CDCA7: variants seen among roughly 807,000 people sequenced by gnomAD.
CDCA7 encodes the protein cell division cycle-associated protein 7.
Under a neutral mutation model 54.0 loss-of-function variants are expected in CDCA7, and 28 were observed. The observed-to-expected ratio is 0.52, with a 90% CI of 0.38 to 0.71. The LOEUF (loss-of-function observed/expected upper bound fraction) is 0.71, where lower values mean the gene tolerates loss of function less well. Ranked by LOEUF, CDCA7 falls within the 30% of genes least tolerant of loss-of-function variation. The pLI, the probability that CDCA7 is intolerant of heterozygous loss-of-function variation, is 0.00. For missense variants in CDCA7, 484 were observed against 586.0 expected, an observed-to-expected ratio of 0.83 and a Z score of 1.80; for synonymous variants, 180 against 208.2, an observed-to-expected ratio of 0.86 and a Z score of 1.16.
At chr2:173,367,046 C>A in intron 8 of CDCA7, 104 bp from the exon 9 acceptor site, 1 of 1,448,180 alleles carries the variant, frequency 6.9e-7, no homozygotes, top group East Asian at 2.3e-5. Context: ...GCCTATTAAT[C>A]ATATAAATTT....
intron 1 of CDCA7, among the ~76,000 whole-genome samples, chr2:173,356,608 A>G (rs1686511696): frequency 6.6e-6 from 1 of 152,172 alleles, no homozygotes; most frequent in African/African-American, 2.4e-5. Flanking sequence ...GGGCTCAAGC[A>G]GTCTTCCCAC....
At chr2:173,363,130 A>G (rs1306434039) in intron 3 of CDCA7, 96 bp from the exon 4 acceptor site, 3 of 1,180,952 alleles carry the variant, frequency 2.5e-6, no homozygotes, top group East Asian at 4.7e-5. Context: ...GTTAAAATTC[A>G]TTTCATACAA....
At chr2:173,363,487 A>G in intron 4 of CDCA7, 25 bp downstream of exon 4, 1 of 1,597,418 alleles carries the variant, frequency 6.3e-7, no homozygotes. Context: ...TTGTGTTAGA[A>G]TTAATTTTTC....
At chr2:173,356,688 A>G (rs933994964) in intron 1 of CDCA7, among the ~76,000 whole-genome samples, 2 of 152,156 alleles carry the variant, frequency 1.3e-5, no homozygotes, top group Admixed American at 6.5e-5. Context: ...TGTTTTTAGT[A>G]GAGACGGGGT....
chr2:173,366,746 C>G lies in CDCA7; in HGVS notation c.1185+314C>G, dbSNP rs1686729257. Among the ~76,000 whole-genome samples, 1 of 152,104 alleles carries G rather than the reference C, an allele frequency of 6.6e-6. No individual in the cohort carries two copies. Among genetic ancestry groups the G allele is most frequent in the Admixed American group, 6.5e-5 (1 of 15,278 alleles). ...TAGAGACGGGGTTTCACCACATTGG[C>G]CAGGATGGTGTGGTGGTACAAGATC... On this transcript the variant is annotated intron_variant, in intron 8 of 9. Coordinates refer to ENST00000306721, the MANE Select transcript of CDCA7 (RefSeq NM_031942.5). This position sits in a 1 kb window ranked among gnomAD's most constrained non-coding sequence, Gnocchi z 4.5.
Position 173,366,393 on chromosome 2 carries a change from C to T in CDCA7, c.1146C>T (p.Asn382=), listed in dbSNP as rs1246106322. ...AGTTCTGTGGCCCCTGCCTTCGAAA[C>T]CGTTATGGTGAAGAGGTCAGGGATG... The part of the protein sequence containing the change: ...RGQFCGPCLR[N]RYGEEVRDAL... Residue 382 remains asparagine, a synonymous_variant, in exon 8 of 10, where the codon AAC becomes AAT. Transcript: ENST00000306721. The surrounding 1 kb of genome is among the most constrained non-coding windows in gnomAD (Gnocchi z 4.5). 1 of 1,614,112 alleles carries T rather than the reference C, an allele frequency of 6.2e-7. No homozygotes were observed. Among genetic ancestry groups the T allele is most frequent in the African/African-American group, 1.3e-5 (1 of 75,020 alleles).
intron 8 of CDCA7, 83 bp from the exon 9 acceptor site, chr2:173,367,067 A>C (rs921001588): frequency 2.2e-5 from 33 of 1,496,474 alleles, no homozygotes; most frequent in Middle Eastern, 3.7e-4. Context: ...TTAACCATAA[A>C]GAAGGGGTTA....
chr2:173,359,231 C>T (rs952424682), intron 2 of CDCA7, 24 bp from the exon 3 acceptor site: 17 of 1,569,576 alleles, frequency 1.1e-5, no homozygotes, highest in African/African-American at 2.7e-5. Flanking sequence ...AATGCACAAC[C>T]GCATTTATTT....
chr2:173,360,570 C>T (rs543452786), intron 3 of CDCA7, among the ~76,000 whole-genome samples: 1 of 152,290 alleles, frequency 6.6e-6, no homozygotes, highest in African/African-American at 2.4e-5. Flanking sequence ...CCTCCACCTC[C>T]TGGGCTTAAG....
chr2:173,354,889 T>C lies in CDCA7; in HGVS notation c.-75T>C. The C allele has an allele frequency of 7.7e-7, 1 of 1,296,440 alleles. No individual in the cohort carries two copies. The highest frequency in any genetic ancestry group is 1.0e-6 in the Non-Finnish European group (1 of 1,000,806). The allele number at this position is 1,296,440 out of a possible 1,614,324, so 80.3% of individuals were successfully genotyped here. Reference sequence around the variant, plus strand: ...CCAGCCGCGCTGCTGCTGCTCCTCCTGCTGTGGGACCGCTGACCGCGCGGC... The same window carrying C: ...CCAGCCGCGCTGCTGCTGCTCCTCCCGCTGTGGGACCGCTGACCGCGCGGC... On this transcript the variant is annotated 5_prime_UTR_variant, in exon 1 of 10. Coordinates refer to ENST00000306721, the MANE Select transcript of CDCA7 (RefSeq NM_031942.5).
At chr2:173,363,941 C>G in intron 5 of CDCA7, 46 bp downstream of exon 5, 2 of 1,511,622 alleles carry the variant, frequency 1.3e-6, no homozygotes, top group Non-Finnish European at 1.8e-6. Flanking sequence ...TTGGGCACAC[C>G]TAAGGTCGAT....
chr2:173,367,613 A>G (rs769066564), intron 9 of CDCA7, 21 bp from the exon 10 acceptor site: 5 of 1,613,794 alleles, frequency 3.1e-6, no homozygotes, highest in South Asian at 1.1e-5. Context: ...GTCCTGACAC[A>G]TTTCCTTTTG....
At position 173,365,382 on chromosome 2, in the gene CDCA7, T is replaced by G. The variant is rs2288994; in HGVS notation, c.895-70T>G. ...CTCTGTGTTTCATATTTGAATCTGT[T>G]TTTTCAGTTTTGAATCTCTTTCAGT... On this transcript the variant is annotated intron_variant, in intron 6 of 9. Coordinates refer to ENST00000306721, the MANE Select transcript of CDCA7 (RefSeq NM_031942.5). 1.5e-3 allele frequency: 2,227 copies of G among 1,512,596 alleles called. 49 individuals carry two copies. The East Asian group carries it at 0.049, about 34-fold the overall frequency. 93.7% of individuals were successfully genotyped at this position (1,512,596 alleles called of 1,614,324 possible).
At chr2:173,355,911 A>T (rs1686494398) in intron 1 of CDCA7, among the ~76,000 whole-genome samples, 1 of 151,932 alleles carries the variant, frequency 6.6e-6, no homozygotes, top group Admixed American at 6.6e-5. Flanking sequence ...GCCCCGGTGG[A>T]GCTGGGCATT....
intron 3 of CDCA7, among the ~76,000 whole-genome samples, chr2:173,362,624 G>T: frequency 6.9e-6 from 1 of 145,340 alleles, no homozygotes; most frequent in South Asian, 2.2e-4. Flanking sequence ...ACCCAGCCCT[G>T]GCATACAGTG....
intron 1 of CDCA7, among the ~76,000 whole-genome samples, chr2:173,358,187 G>A (rs1395038948): frequency 1.4e-5 from 2 of 138,996 alleles, no homozygotes; most frequent in Admixed American, 7.7e-5. Flanking sequence ...GCGACACAGC[G>A]AGACTCCGTC....
chr2:173,363,543 T>C, intron 4 of CDCA7, 81 bp downstream of exon 4: 1 of 1,366,514 alleles, frequency 7.3e-7, no homozygotes, highest in Non-Finnish European at 1.0e-6. Flanking sequence ...CACGCAAAAG[T>C]TATTTTTTTC....
chr2:173,366,246 G>GTTTTTTTTTTTTTTTTT lies in CDCA7; in HGVS notation c.1036-29_1036-28insTTTTTTTTTTTTTTTTT. On this transcript the variant is annotated intron_variant, in intron 7 of 9. Transcript: ENST00000306721. This position sits in a 1 kb window ranked among gnomAD's most constrained non-coding sequence, Gnocchi z 4.5. ...CCATTTCCTCTGTTGAAAAACAGTG[G>GTTTTTTTTTTTTTTTTT]TTTTTTTTGTTTTTTTTCTTAATGG... 6.8e-7 allele frequency: 1 copy of GTTTTTTTTTTTTTTTTT among 1,471,806 alleles called. No individual in the cohort carries two copies. Among genetic ancestry groups the GTTTTTTTTTTTTTTTTT allele is most frequent in the Admixed American group, 2.3e-5 (1 of 42,648 alleles). The allele number at this position is 1,471,806 out of a possible 1,614,324, so 91.2% of individuals were successfully genotyped here.
chr2:173,363,354 C>T lies in CDCA7; in HGVS notation c.513C>T (p.Arg171=), dbSNP rs1574219066. ...RGATNKKAES[R]QPSENSVTDS... is the part of the protein sequence containing the mutation. Reference sequence around the variant, plus strand: ...CAACCAACAAAAAAGCAGAGTCCCGCCAGCCCTCAGAGAATTCTGTGACTG... The same window carrying T: ...CAACCAACAAAAAAGCAGAGTCCCGTCAGCCCTCAGAGAATTCTGTGACTG... The change falls in exon 4 of 10, where the codon CGC becomes CGT. Residue 171 remains arginine (R), a synonymous_variant. Transcript: ENST00000306721. 1 of 1,614,126 alleles carries T rather than the reference C, an allele frequency of 6.2e-7. No homozygotes were observed.
Sources: gnomAD v4.1 joint callset for allele counts (sites outside exome capture counted in the v4.1 genomes callset) on GRCh38, gnomAD v4.1.1 for gene constraint, Gnocchi (gnomAD v3.1) non-coding constraint, MANE v1.5 for transcripts, NCBI Gene and HGNC (gene_info 2026-07-23, HGNC 2026-07-21) for gene names.